TESK2: variants seen among roughly 807,000 people sequenced by gnomAD.
The protein encoded by TESK2 is testis associated actin remodelling kinase 2, also known as dual specificity testis-specific protein kinase 2.
In TESK2, 39 loss-of-function variants were observed where a neutral mutation model predicts 57.1. That is an observed-to-expected ratio of 0.68 (90% CI 0.53 to 0.89). The LOEUF is 0.89. TESK2 is among the 40% of genes least tolerant of loss of function. The pLI, the probability that TESK2 is intolerant of heterozygous loss-of-function variation, is 0.00. For missense variants in TESK2, 646 were observed against 732.1 expected (o/e 0.88, Z 1.36); for synonymous variants, 249 against 267.9 (o/e 0.93, Z 0.69).
chr1:45,386,196 T>C (rs1281688428), intron 3 of TESK2, among the ~76,000 whole-genome samples: 1 of 151,568 alleles, frequency 6.6e-6, no homozygotes, highest in Non-Finnish European at 1.5e-5. Context: ...AATACAAAAA[T>C]TAGGCAGGTG....
At chr1:45,370,542 G>C (rs1648130819) in intron 4 of TESK2, among the ~76,000 whole-genome samples, 1 of 152,178 alleles carries the variant, frequency 6.6e-6, no homozygotes, top group Non-Finnish European at 1.5e-5. Context: ...AAATTATATT[G>C]TATTATGAGA....
At position 45,397,075 on chromosome 1, in the gene TESK2, T is replaced by A. The variant is rs1474855493; in HGVS notation, c.345-11115A>T. Reference sequence around the variant, plus strand: ...CTCAAGTGATCCGCCATCCTCGGCCTCCTGAAGTGCTGGGATTACAGGTGT... The same window carrying A: ...CTCAAGTGATCCGCCATCCTCGGCCACCTGAAGTGCTGGGATTACAGGTGT... On this transcript the variant is annotated intron_variant, in intron 3 of 10. Coordinates refer to ENST00000372086, the MANE Select transcript of TESK2 (RefSeq NM_007170.3). Among the ~76,000 whole-genome samples the A allele has an allele frequency of 2.0e-5, 3 of 152,166 alleles. No homozygotes were observed. The East Asian group carries it at 5.8e-4, about 29-fold the overall frequency.
At chr1:45,361,414 C>G (rs781016030) in intron 4 of TESK2, among the ~76,000 whole-genome samples, 3 of 152,190 alleles carry the variant, frequency 2.0e-5, no homozygotes, top group Non-Finnish European at 4.4e-5. Context: ...TTTAACCTTT[C>G]AAGTTAGAAA....
chr1:45,456,561 G>C (rs1172133768), intron 2 of TESK2, among the ~76,000 whole-genome samples: 1 of 151,656 alleles, frequency 6.6e-6, no homozygotes, highest in Non-Finnish European at 1.5e-5. Context: ...AAATAACAGA[G>C]CCAAAATATT....
intron 3 of TESK2, among the ~76,000 whole-genome samples, chr1:45,388,293 C>A (rs1459435769): frequency 2.0e-5 from 3 of 152,128 alleles, no homozygotes; most frequent in African/African-American, 7.2e-5. Flanking sequence ...TCTAGTCAGC[C>A]TCTTTTAGAA....
intron 3 of TESK2, among the ~76,000 whole-genome samples, chr1:45,400,021 A>G (rs1354234309): frequency 3.3e-5 from 5 of 152,206 alleles, no homozygotes; most frequent in Admixed American, 2.0e-4. Context: ...TCTATGTCCT[A>G]ATCCCCAGAA....
chr1:45,415,321 A>G (rs1239170199), intron 3 of TESK2: 4 of 1,121,584 alleles, frequency 3.6e-6, no homozygotes, highest in Non-Finnish European at 5.4e-6. Flanking sequence ...GGAGATCACC[A>G]TTGCTGACTG....
intron 8 of TESK2, 34 bp downstream of exon 8, chr1:45,346,945 A>G: frequency 6.2e-7 from 1 of 1,606,762 alleles, no homozygotes; most frequent in Non-Finnish European, 8.5e-7. Context: ...AACTAGCCCC[A>G]TCAGTGGCAA....
intron 2 of TESK2, among the ~76,000 whole-genome samples, chr1:45,424,783 A>G (rs1650621876): frequency 6.6e-6 from 1 of 152,252 alleles, no homozygotes; most frequent in Admixed American, 6.5e-5. Context: ...AATCAATGTG[A>G]TACATTATAT....
At chr1:45,359,048 A>G (rs1647565338) in intron 4 of TESK2, among the ~76,000 whole-genome samples, 1 of 152,232 alleles carries the variant, frequency 6.6e-6, no homozygotes. Context: ...ATCTTAATAC[A>G]TATTTTTGGG....
At chr1:45,450,370 G>A (rs542699113) in intron 2 of TESK2, among the ~76,000 whole-genome samples, 1 of 152,190 alleles carries the variant, frequency 6.6e-6, no homozygotes, top group Non-Finnish European at 1.5e-5. Flanking sequence ...AAATTACCTG[G>A]GCGTGGTGGC....
At position 45,426,708 on chromosome 1, in the gene TESK2, A is replaced by G. The variant is rs192348998; in HGVS notation, c.223-4862T>C. ...CAAAATATCCATCTGACAAAGGATT[A>G]ATAACCAGAATATATAAGAAGTTCA... On this transcript the variant is annotated intron_variant, in intron 2 of 10. Coordinates refer to ENST00000372086, the MANE Select transcript of TESK2 (RefSeq NM_007170.3). Among the ~76,000 whole-genome samples the G allele has an allele frequency of 3.7e-4, 57 of 152,342 alleles. No individual in the cohort carries two copies. The East Asian group carries it at 6.2e-3, about 16-fold the overall frequency.
intron 2 of TESK2, among the ~76,000 whole-genome samples, chr1:45,444,980 T>G (rs925514045): frequency 8.4e-6 from 1 of 119,710 alleles, no homozygotes; most frequent in Non-Finnish European, 1.9e-5. Context: ...GTCACAAGAT[T>G]TGTAACTTCC....
intron 8 of TESK2, 51 bp downstream of exon 8, chr1:45,346,928 T>G (rs1219322139): frequency 5.0e-6 from 8 of 1,597,136 alleles, no homozygotes; most frequent in Middle Eastern, 3.3e-4. Context: ...ACAGTTCCAT[T>G]GCTTCAAACT....
chr1:45,409,144 G>A (rs1399153803), intron 3 of TESK2, among the ~76,000 whole-genome samples: 1 of 152,162 alleles, frequency 6.6e-6, no homozygotes, highest in Non-Finnish European at 1.5e-5. Context: ...TGGTGAAAAA[G>A]ATAAACTTCT....
At chr1:45,422,759 T>TTTGTTG (rs140964940) in intron 2 of TESK2, among the ~76,000 whole-genome samples, 12 of 147,008 alleles carry the variant, frequency 8.2e-5, no homozygotes, top group East Asian at 2.1e-4. Context: ...TGTCTGGTTT[T>TTTGTTG]TTGTTGTTGT....
chr1:45,483,123 CA>C (rs538335039), intron 1 of TESK2, among the ~76,000 whole-genome samples: 1 of 146,532 alleles, frequency 6.8e-6, no homozygotes. Flanking sequence ...ACTAAAAATA[CA>C]AAAAAAATTA....
chr1:45,453,339 C>T (rs1651949218), intron 2 of TESK2, among the ~76,000 whole-genome samples: 1 of 115,394 alleles, frequency 8.7e-6, no homozygotes, highest in Non-Finnish European at 1.7e-5. Flanking sequence ...GAGACCCTGT[C>T]TCAAAAAAAA....
At position 45,388,243 on chromosome 1, in the gene TESK2, T is replaced by C. The variant is rs75251770; in HGVS notation, c.345-2283A>G. On this transcript the variant is annotated intron_variant, in intron 3 of 10. Transcript: ENST00000372086. ...GGGCAATTATAATAAAAAGATAAAT[T>C]ATGCAGAATGTGGTTAAATTGTATA... 7.0e-3 allele frequency among the ~76,000 whole-genome samples: 1,069 copies of C among 152,300 alleles called. 11 individuals carry two copies. The highest frequency in any genetic ancestry group is 0.025 in the African/African-American group (1,023 of 41,576).
Sources: allele counts gnomAD v4.1 joint callset (sites outside exome capture counted in the v4.1 genomes callset), GRCh38; gene constraint gnomAD v4.1.1; transcripts MANE v1.5; gene names NCBI Gene and HGNC (gene_info 2026-07-23, HGNC 2026-07-21).